The following TCP11 variants were observed in gnomAD, a reference collection of about 807,000 sequenced individuals.
TCP11 encodes the protein t-complex 11.
TCP11 carries 34 observed loss-of-function variants against 45.0 expected under a neutral mutation model. The observed-to-expected ratio is 0.76, with a 90% confidence interval of 0.57 to 1.01. The LOEUF is 1.01. Among genes scored for constraint, TCP11 ranks in the 50% least tolerant of loss-of-function variants. The pLI is 0.00. For missense variants in TCP11, 523 were observed against 598.1 expected, an observed-to-expected ratio of 0.87 and a Z score of 1.31; for synonymous variants, 227 against 227.0, an observed-to-expected ratio of 1.00 and a Z score of 0.00.
rs113480461 is a variant in TCP11, at chr6:35,140,303, CAACAAG to C, written c.124+438_124+443del. On this transcript the variant is annotated intron_variant, in intron 2 of 9. Transcript: ENST00000311875. Reference sequence around the variant, plus strand: ...GAAGCGCGGAGAAGACCTTGTGCCCCAACAAGAACACAAAAGAACACCCACTACAGA... The same window carrying C: ...GAAGCGCGGAGAAGACCTTGTGCCCCAACACAAAAGAACACCCACTACAGA... The C allele has an allele frequency of 4.0e-3, 4,515 of 1,124,064 alleles. 137 individuals carry two copies. The African/African-American group carries it at 0.057, about 14-fold the overall frequency. The allele number at this position is 1,124,064 out of a possible 1,614,324, so 69.6% of individuals were successfully genotyped here. A position where few individuals can be genotyped will look rare whatever the true frequency, so the allele number is the denominator to read the frequency against.
chr6:35,141,029 G>C, intron 1 of TCP11, 145 bp from the exon 2 acceptor site: 1 of 1,248,038 alleles, frequency 8.0e-7, no homozygotes, highest in Non-Finnish European at 1.0e-6. Context: ...AAGGAGCGTG[G>C]AGGAGCGGAA....
At chr6:35,128,769 T>G in intron 4 of TCP11, 1 of 260,174 alleles carries the variant, frequency 3.8e-6, no homozygotes, top group Non-Finnish European at 7.3e-6. Context: ...TCAAATGAGG[T>G]CCTTGGTTGG....
At chr6:35,129,744 C>T (rs1490870261) in intron 3 of TCP11, among the ~76,000 whole-genome samples, 1 of 151,722 alleles carries the variant, frequency 6.6e-6, no homozygotes, top group Admixed American at 6.6e-5. Flanking sequence ...TTTTTTTCAC[C>T]TTGAAAAAAA....
At chr6:35,121,567 C>A (rs1452992672) in intron 5 of TCP11, among the ~76,000 whole-genome samples, 1 of 151,872 alleles carries the variant, frequency 6.6e-6, no homozygotes. Flanking sequence ...AATCCCAGCA[C>A]TTTGGGAGGC....
chr6:35,129,159 G>A lies in TCP11; in HGVS notation c.260C>T (p.Thr87Ile), dbSNP rs561528550. The A allele has an allele frequency of 3.7e-6, 6 of 1,614,048 alleles. No individual in the cohort carries two copies. The highest frequency in any genetic ancestry group is 2.7e-5 in the African/African-American group (2 of 75,036). The change falls in exon 4 of 10, where the codon ACA becomes ATA. Residue 87 changes from threonine to isoleucine, a missense_variant. Physicochemically the swap from Thr to Ile is moderately conservative, Grantham distance 89 (BLOSUM62 -1). Around this residue, in one of 2 missense-constraint regions of TCP11, gnomAD observed 225 missense variants for 210.2 expected, o/e 1.07. Coordinates refer to ENST00000311875, the MANE Select transcript of TCP11 (RefSeq NM_001370687.1). The stretch of plus-strand genomic sequence containing the variant: ...ATGGTCCCAAAAGGCATTGTGCACT[G>A]TCTCCTTGACCTTGCCTTCCAGACT... ...PSSLEGKVKE[T>I]VHNAFWDHLK...
intron 3 of TCP11, among the ~76,000 whole-genome samples, chr6:35,134,653 C>T (rs1780857239): frequency 6.6e-6 from 1 of 151,940 alleles, no homozygotes; most frequent in African/African-American, 2.4e-5. Flanking sequence ...AGTTGTTATA[C>T]CATATTGGTT....
intron 3 of TCP11, among the ~76,000 whole-genome samples, chr6:35,129,477 G>T (rs528721291): frequency 8.1e-4 from 123 of 152,344 alleles, no homozygotes; most frequent in African/African-American, 2.8e-3. Context: ...AGCACTGACT[G>T]TGCATCTAGC....
rs1267554387 is a variant in TCP11 at position 35,122,051 on chromosome 6, T to C, written c.578+66A>G. On this transcript the variant is annotated intron_variant, in intron 5 of 9. Coordinates refer to ENST00000311875, the MANE Select transcript of TCP11 (RefSeq NM_001370687.1). The stretch of plus-strand genomic sequence containing the variant: ...GTCAAGACGATGGCTATAATCTAGG[T>C]CTGGCCCAGCTTTTCCGGGCTCAGG... The C allele has an allele frequency of 4.0e-6, 6 of 1,512,128 alleles. No individual in the cohort carries two copies. The African/African-American group carries it at 4.1e-5, about 10-fold the overall frequency. The allele number at this position is 1,512,128 out of a possible 1,614,324, so 93.7% of individuals were successfully genotyped here.
At chr6:35,119,458 T>C (rs1012898917) in intron 8 of TCP11, 67 bp from the exon 9 acceptor site, 8 of 1,573,434 alleles carry the variant, frequency 5.1e-6, no homozygotes, top group Non-Finnish European at 6.9e-6. Context: ...GGGCCCAGCA[T>C]GCTGTATACC....
Position 35,129,047 on chromosome 6 carries a change from T to C in TCP11, c.357+15A>G. 6.2e-7 allele frequency: 1 copy of C among 1,611,894 alleles called. No individual in the cohort carries two copies. Among genetic ancestry groups the C allele is most frequent in the Non-Finnish European group, 8.5e-7 (1 of 1,179,308 alleles). The stretch of plus-strand genomic sequence containing the variant: ...TGTCTAGAAACTTTACATTTACAAA[T>C]GGAAGGTCACTCACCTCTTTAATTT... On this transcript the variant is annotated intron_variant, in intron 4 of 9. Transcript: ENST00000311875.
chr6:35,119,924 T>G (rs1044376641), intron 8 of TCP11, among the ~76,000 whole-genome samples: 1 of 152,148 alleles, frequency 6.6e-6, no homozygotes, highest in Non-Finnish European at 1.5e-5. Flanking sequence ...CAGTCACCAC[T>G]CAACTAGATA....
chr6:35,135,959 G>T (rs973271970), intron 3 of TCP11, 148 bp downstream of exon 3: 8 of 530,408 alleles, frequency 1.5e-5, no homozygotes, highest in East Asian at 1.2e-4. Context: ...TTACAACTTA[G>T]TACTCTTCTG....
intron 1 of TCP11, 99 bp downstream of exon 1, chr6:35,141,106 G>T (rs887339954): frequency 1.6e-6 from 2 of 1,285,906 alleles, no homozygotes; most frequent in East Asian, 3.1e-5. Flanking sequence ...GAAGCCCGGC[G>T]CAGGGCGGGA....
chr6:35,127,813 C>A (rs1186557093), intron 4 of TCP11, among the ~76,000 whole-genome samples: 2 of 152,158 alleles, frequency 1.3e-5, no homozygotes, highest in Non-Finnish European at 2.9e-5. Flanking sequence ...TGTAAGAGTT[C>A]TTTTCAGGAA....
rs1780117303 is a variant in TCP11 at position 35,128,950 on chromosome 6, T to G, written c.357+112A>C. On this transcript the variant is annotated intron_variant, in intron 4 of 9. Transcript: ENST00000311875. ...TACTGTATGATTTCTGTCTATTGCT[T>G]AGTCTCTGACTGATTCATGGACCAT... 8 of 1,342,814 alleles carry G rather than the reference T, an allele frequency of 6.0e-6. No homozygotes were observed. In the African/African-American group the frequency reaches 7.4e-5, roughly 12 times the overall value. The allele number at this position is 1,342,814 out of a possible 1,614,324, so 83.2% of individuals were successfully genotyped here. A position where few individuals can be genotyped will look rare whatever the true frequency, so the allele number is the denominator to read the frequency against.
chr6:35,118,473 G>T lies in TCP11; in HGVS notation c.1308C>A (p.Cys436Ter). ...IDQRIHLFLK[C>*]CLVLGVQRSL... ...ACCGCTGCACACCAAGAACCAAACA[G>T]CATTTGAGAAACAAATGGATCCGCT... is the stretch of plus-strand genomic sequence containing the variant. The change falls in exon 10 of 10, where the codon TGC becomes TGA. Residue 436 changes from cysteine to a stop codon, truncating the protein, a stop_gained. Coordinates refer to ENST00000311875, the MANE Select transcript of TCP11 (RefSeq NM_001370687.1). LOFTEE classifies it high-confidence loss of function. 3.1e-6 allele frequency: 5 copies of T among 1,613,964 alleles called. No individual in the cohort carries two copies. Among genetic ancestry groups the T allele is most frequent in the Non-Finnish European group, 1.7e-6 (2 of 1,179,966 alleles).
At chr6:35,138,558 G>A (rs1304243250) in intron 2 of TCP11, among the ~76,000 whole-genome samples, 1 of 142,788 alleles carries the variant, frequency 7.0e-6, no homozygotes, top group African/African-American at 2.6e-5. Flanking sequence ...ATAGAGAATA[G>A]AATGACAGAT....
chr6:35,136,060 T>C, intron 3 of TCP11, 47 bp downstream of exon 3: 4 of 1,477,378 alleles, frequency 2.7e-6, no homozygotes, highest in Non-Finnish European at 2.8e-6. Context: ...CAGTGCTAAG[T>C]ACCTAAGCCA....
rs151301588 is a variant in TCP11 at position 35,135,437 on chromosome 6, G to A, written c.236+670C>T. Among the ~76,000 whole-genome samples, 484 of 152,182 alleles carry A rather than the reference G, an allele frequency of 3.2e-3. 5 individuals carry two copies. The highest frequency in any genetic ancestry group is 0.011 in the African/African-American group (445 of 41,530). On this transcript the variant is annotated intron_variant, in intron 3 of 9. Coordinates refer to ENST00000311875, the MANE Select transcript of TCP11 (RefSeq NM_001370687.1). ...ACAACTCATGAAAGACTATAAGCCC[G>A]AGGTATACAGTTAAACCATGCCCAT... is the stretch of plus-strand genomic sequence containing the variant.
Sources: gnomAD v4.1 joint callset for allele counts (sites outside exome capture counted in the v4.1 genomes callset) on GRCh38, gnomAD v4.1.1 for gene constraint, gnomAD v4.1.1 regional missense constraint, MANE v1.5 for transcripts, NCBI Gene and HGNC (gene_info 2026-07-23, HGNC 2026-07-21) for gene names.